Variants in SLC35F1 observed in about 807,000 individuals in gnomAD.
SLC35F1 encodes the protein chromosome 6 open reading frame 169.
SLC35F1 carries 14 observed loss-of-function variants against 48.7 expected under a neutral mutation model. The ratio of observed to expected loss-of-function variants is 0.29; its 90% CI spans 0.19 to 0.45. The LOEUF is 0.45. Ranked by LOEUF, SLC35F1 falls within the 20% of genes least tolerant of loss-of-function variation. The pLI is 1.00. For synonymous variants in SLC35F1, 190 were observed against 202.2 expected (o/e 0.94, Z 0.51); for missense variants, 404 against 500.0 (o/e 0.81, Z 1.83).
chr6:118,094,668 A>G (rs1773123292), intron 1 of SLC35F1, among the ~76,000 whole-genome samples: 1 of 152,070 alleles, frequency 6.6e-6, no homozygotes, highest in South Asian at 2.1e-4. Context: ...GATGATGAGT[A>G]AGAAGAGGGA....
chr6:118,089,071 C>T (rs543675519), intron 1 of SLC35F1, among the ~76,000 whole-genome samples: 2 of 152,206 alleles, frequency 1.3e-5, no homozygotes, highest in East Asian at 3.9e-4. Flanking sequence ...AATCATGGTG[C>T]CTAGAACAAG....
chr6:118,148,755 C>T (rs541770507), intron 1 of SLC35F1, among the ~76,000 whole-genome samples: 7 of 152,112 alleles, frequency 4.6e-5, no homozygotes, highest in Admixed American at 1.3e-4. Flanking sequence ...ACCTACAGCT[C>T]GCTGTACAAA....
In SLC35F1 at chr6:118,253,120, G is replaced by C. The variant is rs936656954; in HGVS notation, c.478-13875G>C. 2.6e-5 allele frequency among the ~76,000 whole-genome samples: 4 copies of C among 152,136 alleles called. No individual in the cohort carries two copies. In the East Asian group the frequency reaches 7.7e-4, roughly 29 times the overall value. On this transcript the variant is annotated intron_variant, in intron 3 of 7. Transcript: ENST00000360388. ...AGGGATGATTTTTAAAGTCAGAACG[G>C]TAGGTGAAATCATTCAGGGTAAATG...
At chr6:118,018,361 ACT>A (rs926715328) in intron 1 of SLC35F1, among the ~76,000 whole-genome samples, 1 of 151,026 alleles carries the variant, frequency 6.6e-6, no homozygotes, top group Non-Finnish European at 1.5e-5. Context: ...ACACAGAAAG[ACT>A]CTGTCTCGGA....
chr6:118,275,649 A>G, intron 5 of SLC35F1, 34 bp downstream of exon 5: 1 of 1,600,536 alleles, frequency 6.2e-7, no homozygotes, highest in African/African-American at 1.3e-5. Flanking sequence ...TAGATAGTAG[A>G]GGGACTGTCA....
intron 1 of SLC35F1, among the ~76,000 whole-genome samples, chr6:118,097,262 G>C (rs1773190596): frequency 6.6e-6 from 1 of 152,078 alleles, no homozygotes; most frequent in Admixed American, 6.5e-5. Context: ...TTCCTTTTGT[G>C]CTATATGCAG....
intron 3 of SLC35F1, among the ~76,000 whole-genome samples, chr6:118,243,711 A>C (rs559921976): frequency 6.6e-6 from 1 of 152,276 alleles, no homozygotes; most frequent in African/African-American, 2.4e-5. Flanking sequence ...AGCCAACTTA[A>C]ATGTTGACCT....
At chr6:118,226,717 A>T (rs1188862983) in intron 2 of SLC35F1, among the ~76,000 whole-genome samples, 1 of 152,146 alleles carries the variant, frequency 6.6e-6, no homozygotes, top group East Asian at 1.9e-4. Flanking sequence ...AGTAGAGAGG[A>T]GTGGTAGGGG....
chr6:118,059,322 G>A (rs943392300), intron 1 of SLC35F1, among the ~76,000 whole-genome samples: 1 of 152,176 alleles, frequency 6.6e-6, no homozygotes, highest in African/African-American at 2.4e-5. Context: ...AATGGCAGAA[G>A]AATACAATTT....
chr6:118,109,775 T>C (rs1010857289), intron 1 of SLC35F1, among the ~76,000 whole-genome samples: 2 of 152,132 alleles, frequency 1.3e-5, no homozygotes, highest in African/African-American at 4.8e-5. Flanking sequence ...CTGGGCTCTC[T>C]AAGGCTTCTG....
intron 1 of SLC35F1, among the ~76,000 whole-genome samples, chr6:117,937,319 T>C (rs1324758541): frequency 6.6e-6 from 1 of 152,206 alleles, no homozygotes; most frequent in Non-Finnish European, 1.5e-5. Flanking sequence ...TACGAGGAGT[T>C]AGATGCACAT....
intron 2 of SLC35F1, among the ~76,000 whole-genome samples, chr6:118,208,518 T>A (rs1774965405): frequency 6.6e-6 from 1 of 152,224 alleles, no homozygotes; most frequent in Non-Finnish European, 1.5e-5. Flanking sequence ...GAGAGCTCAA[T>A]CTTATCTTGT....
chr6:118,167,163 T>A (rs1413395318), intron 2 of SLC35F1, among the ~76,000 whole-genome samples: 1 of 152,056 alleles, frequency 6.6e-6, no homozygotes, highest in Non-Finnish European at 1.5e-5. Flanking sequence ...ATCTCCCTTC[T>A]CCTACCCCCT....
At chr6:118,216,434 A>G (rs1775073556) in intron 2 of SLC35F1, among the ~76,000 whole-genome samples, 3 of 146,292 alleles carry the variant, frequency 2.1e-5, no homozygotes, top group Admixed American at 7.1e-5. Context: ...GGCAAAGAAG[A>G]TAAGTTCCCT....
At chr6:117,943,488 G>A (rs772537258) in intron 1 of SLC35F1, among the ~76,000 whole-genome samples, 2 of 152,166 alleles carry the variant, frequency 1.3e-5, no homozygotes, top group Non-Finnish European at 2.9e-5. Context: ...TTGTTTTAAT[G>A]CCTCTTGTTG....
At chr6:117,980,056 G>T (rs890892753) in intron 1 of SLC35F1, among the ~76,000 whole-genome samples, 2 of 151,976 alleles carry the variant, frequency 1.3e-5, no homozygotes, top group Non-Finnish European at 2.9e-5. Context: ...TTTACTCATC[G>T]AATGGGTTTC....
chr6:118,261,355 G>A (rs1447979870), intron 3 of SLC35F1, among the ~76,000 whole-genome samples: 1 of 152,122 alleles, frequency 6.6e-6, no homozygotes, highest in African/African-American at 2.4e-5. Flanking sequence ...ACTGCAAAAT[G>A]GCCAACTATC....
chr6:117,931,119 T>C (rs1259889665), intron 1 of SLC35F1, among the ~76,000 whole-genome samples: 1 of 152,194 alleles, frequency 6.6e-6, no homozygotes, highest in African/African-American at 2.4e-5. Flanking sequence ...ATTGGTGTTG[T>C]TCATTGTTTT....
At chr6:117,956,361 C>G (rs1776426218) in intron 1 of SLC35F1, among the ~76,000 whole-genome samples, 1 of 152,168 alleles carries the variant, frequency 6.6e-6, no homozygotes, top group South Asian at 2.1e-4. Flanking sequence ...TTTGCCTTGC[C>G]CAGCTGGAGA....
Sources: allele counts gnomAD v4.1 joint callset (sites outside exome capture counted in the v4.1 genomes callset), GRCh38; gene constraint gnomAD v4.1.1; transcripts MANE v1.5; gene names NCBI Gene and HGNC (gene_info 2026-07-23, HGNC 2026-07-21).